GLRA3: variants seen among roughly 807,000 people sequenced by gnomAD.
GLRA3 encodes glycine receptor alpha 3.
In GLRA3, 44 loss-of-function variants were observed where a neutral mutation model predicts 60.4. That is an observed-to-expected ratio of 0.73 (90% confidence interval 0.57 to 0.94). The LOEUF (loss-of-function observed/expected upper bound fraction) is 0.94, where lower values mean the gene tolerates loss of function less well. Among genes scored for constraint, GLRA3 ranks in the 40% least tolerant of loss-of-function variants. The probability of loss-of-function intolerance (pLI) is 0.00; values close to 1 mark genes in which losing one functional copy is unlikely to be tolerated. For synonymous variants in GLRA3, 223 were observed against 192.9 expected (o/e 1.16, Z -1.29); for missense variants, 508 against 564.6 (o/e 0.90, Z 1.02).
At chr4:174,778,645 G>A (rs1343931412) in intron 2 of GLRA3, among the ~76,000 whole-genome samples, 1 of 152,226 alleles carries the variant, frequency 6.6e-6, no homozygotes, top group Non-Finnish European at 1.5e-5. Flanking sequence ...GAAGCAGGGC[G>A]AGGCATTGCC....
At chr4:174,714,388 A>G (rs535153757) in intron 5 of GLRA3, among the ~76,000 whole-genome samples, 76 of 146,798 alleles carry the variant, frequency 5.2e-4, no homozygotes, top group African/African-American at 1.7e-3. Flanking sequence ...TAGCCCCCCA[A>G]ATTTTAATTT....
chr4:174,826,727 T>C (rs548844715), intron 1 of GLRA3, among the ~76,000 whole-genome samples: 4 of 152,302 alleles, frequency 2.6e-5, no homozygotes, highest in African/African-American at 7.2e-5. Flanking sequence ...TAAAAATATG[T>C]TAAGAATTAA....
At chr4:174,771,073 G>C (rs1242289108) in intron 2 of GLRA3, among the ~76,000 whole-genome samples, 2 of 130,244 alleles carry the variant, frequency 1.5e-5, no homozygotes, top group African/African-American at 5.8e-5. Context: ...TACACTCTGG[G>C]AACTGTTGTG....
intron 3 of GLRA3, among the ~76,000 whole-genome samples, chr4:174,754,344 C>T (rs1737603044): frequency 6.6e-6 from 1 of 152,056 alleles, no homozygotes; most frequent in Non-Finnish European, 1.5e-5. Context: ...ACTGGTTACT[C>T]ATGCATGGAA....
intron 5 of GLRA3, among the ~76,000 whole-genome samples, chr4:174,708,789 T>C (rs963705813): frequency 6.7e-6 from 1 of 149,768 alleles, no homozygotes; most frequent in Non-Finnish European, 1.5e-5. Flanking sequence ...TGTTTTTCCA[T>C]GATTAAAAAA....
At chr4:174,664,525 C>G (rs984873636) in intron 7 of GLRA3, among the ~76,000 whole-genome samples, 1 of 152,162 alleles carries the variant, frequency 6.6e-6, no homozygotes, top group Non-Finnish European at 1.5e-5. Flanking sequence ...GCTTCTCACT[C>G]TCTCTTTTCA....
chr4:174,668,921 T>C (rs1160443468), intron 7 of GLRA3, among the ~76,000 whole-genome samples: 1 of 152,132 alleles, frequency 6.6e-6, no homozygotes, highest in Non-Finnish European at 1.5e-5. Context: ...TTAATAACAT[T>C]CAATCCTGGT....
intron 5 of GLRA3, among the ~76,000 whole-genome samples, chr4:174,706,039 G>C (rs967217311): frequency 2.7e-4 from 41 of 152,080 alleles, no homozygotes; most frequent in African/African-American, 5.1e-4. Flanking sequence ...ACCATCCTGT[G>C]TAACATGGTG....
intron 5 of GLRA3, among the ~76,000 whole-genome samples, chr4:174,696,218 C>T (rs550728603): frequency 1.9e-3 from 284 of 151,532 alleles, no homozygotes; most frequent in Non-Finnish European, 3.0e-3. Context: ...AAAATTCTAT[C>T]CACTTAGAAA....
intron 9 of GLRA3, among the ~76,000 whole-genome samples, chr4:174,645,107 T>C (rs1732763663): frequency 6.6e-6 from 1 of 152,026 alleles, no homozygotes; most frequent in African/African-American, 2.4e-5. Flanking sequence ...GATCAAATAA[T>C]TGGCTTGAAC....
intron 7 of GLRA3, among the ~76,000 whole-genome samples, chr4:174,659,826 G>T (rs1013943467): frequency 6.6e-6 from 1 of 152,068 alleles, no homozygotes; most frequent in African/African-American, 2.4e-5. Flanking sequence ...ACAAAAATTA[G>T]CCGGGTGTGG....
intron 6 of GLRA3, among the ~76,000 whole-genome samples, chr4:174,681,036 T>G (rs115113219): frequency 2.2e-4 from 34 of 152,304 alleles, no homozygotes; most frequent in Admixed American, 8.5e-4. Flanking sequence ...CTCTATGAGA[T>G]GCTTTTATTC....
chr4:174,736,935 A>G (rs1357281467), intron 3 of GLRA3, among the ~76,000 whole-genome samples: 1 of 152,204 alleles, frequency 6.6e-6, no homozygotes, highest in Non-Finnish European at 1.5e-5. Context: ...TTGGAATTGA[A>G]GAAATAATAA....
intron 4 of GLRA3, among the ~76,000 whole-genome samples, chr4:174,721,057 C>T (rs1246724256): frequency 6.7e-6 from 1 of 148,308 alleles, no homozygotes; most frequent in Non-Finnish European, 1.5e-5. Flanking sequence ...GAGATGGAGT[C>T]TTGCTCTGTC....
intron 3 of GLRA3, among the ~76,000 whole-genome samples, chr4:174,731,703 G>C (rs1736553535): frequency 6.6e-6 from 1 of 152,072 alleles, no homozygotes; most frequent in Non-Finnish European, 1.5e-5. Flanking sequence ...GGTCACTTAA[G>C]GTTAATGAAA....
At chr4:174,778,869 T>A (rs568190567) in intron 2 of GLRA3, among the ~76,000 whole-genome samples, 1,784 of 152,262 alleles carry the variant, frequency 0.012, 43 homozygotes, top group African/African-American at 0.04. Flanking sequence ...GAGATCAAAC[T>A]GCAAGGCGGC....
intron 5 of GLRA3, among the ~76,000 whole-genome samples, chr4:174,710,769 G>A (rs1380601382): frequency 6.6e-6 from 1 of 151,390 alleles, no homozygotes; most frequent in African/African-American, 2.4e-5. Flanking sequence ...CTGTATTTTT[G>A]ATATTCAATC....
chr4:174,782,271 T>G (rs1259478442), intron 2 of GLRA3, among the ~76,000 whole-genome samples: 1 of 151,452 alleles, frequency 6.6e-6, no homozygotes, highest in Non-Finnish European at 1.5e-5. Context: ...TCAACAACCC[T>G]TCATGCTAAA....
chr4:174,778,968 C>T (rs1001211304), intron 2 of GLRA3, among the ~76,000 whole-genome samples: 1 of 152,344 alleles, frequency 6.6e-6, no homozygotes, highest in East Asian at 1.9e-4. Context: ...TGGAGCCCAC[C>T]ACAGCTCAAG....
Sources: allele counts gnomAD v4.1 joint callset (sites outside exome capture counted in the v4.1 genomes callset), GRCh38; gene constraint gnomAD v4.1.1; transcripts MANE v1.5; gene names NCBI Gene and HGNC (gene_info 2026-07-23, HGNC 2026-07-21).